PHF3: variants seen among roughly 807,000 people sequenced by gnomAD.
The protein encoded by PHF3 is PHD finger protein 3.
Under a neutral mutation model 178.4 loss-of-function variants are expected in PHF3, and 41 were observed. The observed-to-expected ratio is 0.23, with a 90% CI of 0.18 to 0.30. The LOEUF is 0.30. Among genes scored for constraint, PHF3 ranks in the 10% least tolerant of loss-of-function variants. The pLI, the probability that PHF3 is intolerant of heterozygous loss-of-function variation, is 1.00. For synonymous variants in PHF3, 842 were observed against 800.5 expected (o/e 1.05, Z -0.88); for missense variants, 2,346 against 2,398.1 (o/e 0.98, Z 0.45).
chr6:63,682,945 T>C (rs1225016083), intron 3 of PHF3, among the ~76,000 whole-genome samples: 2 of 152,102 alleles, frequency 1.3e-5, no homozygotes, highest in Non-Finnish European at 2.9e-5. Context: ...ATAATCTGTC[T>C]TTAAAGCTTT....
At position 63,711,625 on chromosome 6, in the gene PHF3, T is replaced by C; in HGVS notation, c.4037T>C (p.Ile1346Thr). ...LHRPNLLLGL[I>T]IRQKLKRQHS... ...AGACCTAATCTATTGTTGGGCTTAA[T>C]TATTCGTCAGAAACTGAAGCGACAG... Residue 1346 changes from isoleucine to threonine, a missense_variant, in exon 16 of 16, where the codon ATT (isoleucine) becomes ACT (threonine). Around this residue, in one of 8 missense-constraint regions of PHF3, gnomAD observed 90 missense variants for 136.6 expected, o/e 0.66. Transcript: ENST00000262043. 6.3e-7 allele frequency: 1 copy of C among 1,598,146 alleles called. No individual in the cohort carries two copies. The highest frequency in any genetic ancestry group is 8.5e-7 in the Non-Finnish European group (1 of 1,176,032).
chr6:63,706,915 T>C (rs1214923466), intron 13 of PHF3, 39 bp downstream of exon 13: 2 of 1,574,664 alleles, frequency 1.3e-6, no homozygotes, highest in Non-Finnish European at 1.7e-6. Context: ...CATGAATTGA[T>C]AATGTGTGTT....
rs1167319624 is a variant in PHF3, at chr6:63,636,050, T to A, written c.-126T>A. On this transcript the variant is annotated 5_prime_UTR_variant, in exon 1 of 16. Transcript: ENST00000262043. Reference sequence around the variant, plus strand: ...GCCGACGTCCTGCGCGTACCCCCTCTCCGCGGCACCCACCGGGCCCCCTCC... The same window carrying A: ...GCCGACGTCCTGCGCGTACCCCCTCACCGCGGCACCCACCGGGCCCCCTCC... The A allele has an allele frequency of 5.1e-6, 2 of 393,922 alleles. No individual in the cohort carries two copies. Among genetic ancestry groups the A allele is most frequent in the Non-Finnish European group, 4.5e-6 (1 of 223,444 alleles). The allele number at this position is 393,922 out of a possible 1,614,324, so 24.4% of individuals were successfully genotyped here.
chr6:63,692,701 T>C (rs1413746395), intron 5 of PHF3, among the ~76,000 whole-genome samples: 1 of 152,216 alleles, frequency 6.6e-6, no homozygotes, highest in African/African-American at 2.4e-5. Flanking sequence ...TTTAGAAATC[T>C]TTTGGTCCAA....
rs200798016 is a variant in PHF3 at position 63,685,648 on chromosome 6, C to T, written c.1926C>T (p.His642=). 10 of 1,613,844 alleles carry T rather than the reference C, an allele frequency of 6.2e-6. No individual in the cohort carries two copies. The highest frequency in any genetic ancestry group is 1.7e-5 in the Admixed American group (1 of 59,984). ...QQAPAMKTNS[H]VKEELEHPGV... is the part of the protein sequence containing the mutation. ...CCCCAGCAATGAAAACCAATAGTCA[C>T]GTGAAGGAAGAGCTTGAACACCCAG... is the stretch of plus-strand genomic sequence containing the variant. Residue 642 remains histidine, a synonymous_variant, in exon 4 of 16, where the codon CAC becomes CAT. Transcript: ENST00000262043.
intron 2 of PHF3, among the ~76,000 whole-genome samples, chr6:63,662,355 T>G (rs1219896280): frequency 6.6e-6 from 1 of 152,184 alleles, no homozygotes; most frequent in Non-Finnish European, 1.5e-5. Context: ...TAATTTTTGT[T>G]TTATAGCCCA....
At chr6:63,660,639 C>T (rs1765427019) in intron 2 of PHF3, among the ~76,000 whole-genome samples, 2 of 152,074 alleles carry the variant, frequency 1.3e-5, no homozygotes, top group South Asian at 4.1e-4. Flanking sequence ...CATAAACTTA[C>T]TGGGAGAGGT....
At chr6:63,647,780 T>C (rs1387014226) in intron 2 of PHF3, among the ~76,000 whole-genome samples, 1 of 152,170 alleles carries the variant, frequency 6.6e-6, no homozygotes, top group East Asian at 1.9e-4. Context: ...GTTGTGGCAA[T>C]TACTAATAGC....
In PHF3 at chr6:63,694,703, T is replaced by C. The variant is rs1162230662; in HGVS notation, c.2619T>C (p.Ser873=). 1 of 1,600,138 alleles carries C rather than the reference T, an allele frequency of 6.2e-7. No individual in the cohort carries two copies. The highest frequency in any genetic ancestry group is 8.5e-7 in the Non-Finnish European group (1 of 1,173,048). The change falls in exon 6 of 16, where the codon AGT becomes AGC. Residue 873 remains serine (S), a synonymous_variant. Coordinates refer to ENST00000262043, the MANE Select transcript of PHF3 (RefSeq NM_001370348.2). The part of the protein sequence containing the change: ...VLPRRSSEEK[S]EKIPKESTTV... ...CTCGGAGATCCTCAGAAGAAAAAAGTGAAAAAATACCGAAAGAGTCTACAA... is the reference window on the plus strand; with the variant it reads ...CTCGGAGATCCTCAGAAGAAAAAAGCGAAAAAATACCGAAAGAGTCTACAA...
intron 2 of PHF3, among the ~76,000 whole-genome samples, chr6:63,653,786 T>TAA (rs1765119272): frequency 6.6e-6 from 1 of 152,200 alleles, no homozygotes; most frequent in Non-Finnish European, 1.5e-5. Flanking sequence ...ATGCCTTTAT[T>TAA]GTGTTGAGAT....
chr6:63,670,583 G>A (rs564004038), intron 2 of PHF3, among the ~76,000 whole-genome samples: 1 of 152,316 alleles, frequency 6.6e-6, no homozygotes, highest in East Asian at 1.9e-4. Context: ...ACCGTGCCCG[G>A]CGGAGGTGTT....
At chr6:63,644,022 A>G (rs1331374190) in intron 1 of PHF3, among the ~76,000 whole-genome samples, 1 of 152,182 alleles carries the variant, frequency 6.6e-6, no homozygotes. Context: ...TGTTCCCATC[A>G]CTTGAAAGCT....
rs1244981540 is a variant in PHF3, at chr6:63,684,762, A to C, written c.1040A>C (p.Asp347Ala). Residue 347 changes from aspartate to alanine, a missense_variant, in exon 4 of 16, where the codon GAT (aspartate) becomes GCT (alanine). By Grantham distance (126) the Asp-to-Ala change is moderately radical (BLOSUM62 -2). Transcript: ENST00000262043. ...EDAGSSDISS[D>A]AACTNPNKTE... is the part of the protein sequence containing the mutation. ...GCTGGATCTTCTGATATTTCTAGTG[A>C]TGCTGCTTGTACAAATCCAAATAAG... The C allele has an allele frequency of 6.2e-7, 1 of 1,614,010 alleles. No homozygotes were observed. The highest frequency in any genetic ancestry group is 8.5e-7 in the Non-Finnish European group (1 of 1,179,906).
chr6:63,693,897 A>G (rs1454096424), intron 5 of PHF3, among the ~76,000 whole-genome samples: 1 of 152,222 alleles, frequency 6.6e-6, no homozygotes, highest in Non-Finnish European at 1.5e-5. Context: ...TTGGGTGTAT[A>G]ATATTGAAGT....
intron 1 of PHF3, among the ~76,000 whole-genome samples, chr6:63,643,956 T>TTCAG (rs1450171077): frequency 6.6e-6 from 1 of 152,224 alleles, no homozygotes; most frequent in Non-Finnish European, 1.5e-5. Context: ...TGGCCTGGTC[T>TTCAG]TCAGTATAGC....
Position 63,721,838 on chromosome 6 carries a change from A to G in PHF3, c.*8130A>G, listed in dbSNP as rs1177512732. 2 of 1,496,200 alleles carry G rather than the reference A, an allele frequency of 1.3e-6. No individual in the cohort carries two copies. Among genetic ancestry groups the G allele is most frequent in the East Asian group, 4.9e-5 (2 of 40,468 alleles). 92.7% of individuals were successfully genotyped at this position (1,496,200 alleles called of 1,614,324 possible). A position where few individuals can be genotyped will look rare whatever the true frequency, so the allele number is the denominator to read the frequency against. Reference sequence around the variant, plus strand: ...CAGTAAGTTTGATTAGCAACAGTAAAAGTTTCCATTGAAAACTTTTGCTGT... The same window carrying G: ...CAGTAAGTTTGATTAGCAACAGTAAGAGTTTCCATTGAAAACTTTTGCTGT... On this transcript the variant is annotated 3_prime_UTR_variant, in exon 16 of 16. Coordinates refer to ENST00000262043, the MANE Select transcript of PHF3 (RefSeq NM_001370348.2).
rs1001493869 is a variant in PHF3 at position 63,714,446 on chromosome 6, TC to T, written c.*739del. ...TGATTCTAAATATGATAAAATAATT[TC>T]TCACCTATTTTGTGTGTGTGACTTG... On this transcript the variant is annotated 3_prime_UTR_variant, in exon 16 of 16. Coordinates refer to ENST00000262043, the MANE Select transcript of PHF3 (RefSeq NM_001370348.2). 3.3e-5 allele frequency: 5 copies of T among 152,270 alleles called. No homozygotes were observed. The highest frequency in any genetic ancestry group is 9.7e-5 in the African/African-American group (4 of 41,144). 9.4% of individuals were successfully genotyped at this position (152,270 alleles called of 1,614,324 possible).
intron 2 of PHF3, among the ~76,000 whole-genome samples, chr6:63,668,212 G>C (rs1765760332): frequency 1.3e-5 from 2 of 152,234 alleles, no homozygotes; most frequent in African/African-American, 2.4e-5. Context: ...TGAAGAGGCA[G>C]ATTAGAAGGA....
At chr6:63,684,028 A>G (rs1766554817) in intron 3 of PHF3, 101 bp from the exon 4 acceptor site, 1 of 906,170 alleles carries the variant, frequency 1.1e-6, no homozygotes, top group East Asian at 2.5e-5. Flanking sequence ...TGAGCAAATT[A>G]TAGCTCAGAA....
Sources: allele counts gnomAD v4.1 joint callset (sites outside exome capture counted in the v4.1 genomes callset), GRCh38; gene constraint gnomAD v4.1.1; regional missense constraint gnomAD v4.1.1; transcripts MANE v1.5; gene names NCBI Gene and HGNC (gene_info 2026-07-23, HGNC 2026-07-21).